The following LRMDA variants were observed in gnomAD, a reference collection of about 807,000 sequenced individuals.
The protein encoded by LRMDA is leucine-rich melanocyte differentiation-associated protein.
In LRMDA, 18 loss-of-function variants were observed where a neutral mutation model predicts 29.8. The ratio of observed to expected loss-of-function variants is 0.60; its 90% CI spans 0.42 to 0.90. The LOEUF is 0.90. Ranked by LOEUF, LRMDA falls within the 40% of genes least tolerant of loss-of-function variation. The probability of loss-of-function intolerance (pLI) is 0.00; values close to 1 mark genes in which losing one functional copy is unlikely to be tolerated. For synonymous variants in LRMDA, 125 were observed against 109.4 expected (o/e 1.14, Z -0.89); for missense variants, 273 against 273.9 (o/e 1.00, Z 0.02).
intron 2 of LRMDA, among the ~76,000 whole-genome samples, chr10:75,791,633 A>C (rs560705583): frequency 6.6e-6 from 1 of 152,188 alleles, no homozygotes; most frequent in Non-Finnish European, 1.5e-5. Flanking sequence ...ACATTTCAGA[A>C]TGATTGGTTA....
chr10:75,937,868 A>C (rs570016026), intron 2 of LRMDA, among the ~76,000 whole-genome samples: 3 of 152,364 alleles, frequency 2.0e-5, no homozygotes, highest in African/African-American at 7.2e-5. Context: ...CTACCAACTT[A>C]ATGACATAAT....
intron 5 of LRMDA, among the ~76,000 whole-genome samples, chr10:76,188,638 G>A (rs1017400206): frequency 3.2e-4 from 5 of 15,796 alleles, no homozygotes; most frequent in African/African-American, 6.0e-4. Context: ...GATGGAGGGG[G>A]TTTAGCACTC....
intron 2 of LRMDA, among the ~76,000 whole-genome samples, chr10:75,826,357 C>T (rs1187678829): frequency 6.6e-6 from 1 of 152,102 alleles, no homozygotes; most frequent in Non-Finnish European, 1.5e-5. Flanking sequence ...TTGCCTTCTA[C>T]CTTTCTGCTT....
chr10:75,585,232 G>C (rs1403606360), intron 2 of LRMDA, among the ~76,000 whole-genome samples: 1 of 152,196 alleles, frequency 6.6e-6, no homozygotes, highest in Non-Finnish European at 1.5e-5. Flanking sequence ...TTAAAACTTT[G>C]TGTAAATGGA....
intron 5 of LRMDA, among the ~76,000 whole-genome samples, chr10:76,060,240 C>T (rs547087487): frequency 1.3e-5 from 2 of 152,238 alleles, no homozygotes; most frequent in South Asian, 2.1e-4. Context: ...CACGTGTATA[C>T]CTGTGTGCAG....
At position 75,846,728 on chromosome 10, in the gene LRMDA, C is replaced by A. The variant is rs144255405; in HGVS notation, c.132-189280C>A. ...GAAATGATACCAAAAACAAACCCCC[C>A]ACCACCAACAAAAACCAAAGCAGAA... On this transcript the variant is annotated intron_variant, in intron 2 of 6. Coordinates refer to ENST00000611255, the MANE Select transcript of LRMDA (RefSeq NM_001305581.2). Among the ~76,000 whole-genome samples, 504 of 152,066 alleles carry A rather than the reference C, an allele frequency of 3.3e-3. 1 individual carries two copies. Among genetic ancestry groups the A allele is most frequent in the Middle Eastern group, 6.8e-3 (2 of 294 alleles).
At chr10:76,049,024 C>A (rs946810294) in intron 4 of LRMDA, among the ~76,000 whole-genome samples, 4 of 152,130 alleles carry the variant, frequency 2.6e-5, no homozygotes, top group Non-Finnish European at 2.9e-5. Flanking sequence ...ATGCCCACTG[C>A]CCATTTGGAA....
At chr10:75,973,069 G>GCAA (rs1385351805) in intron 2 of LRMDA, among the ~76,000 whole-genome samples, 2 of 149,710 alleles carry the variant, frequency 1.3e-5, no homozygotes, top group East Asian at 4.0e-4. Flanking sequence ...AGCAGCAGCA[G>GCAA]CAGCTACTCC....
Position 76,508,002 on chromosome 10 carries a change from C to T in LRMDA, c.602-49207C>T, listed in dbSNP as rs183556977. Among the ~76,000 whole-genome samples, 128 of 152,166 alleles carry T rather than the reference C, an allele frequency of 8.4e-4. 2 individuals are homozygous for T. The East Asian group carries it at 0.022, about 26-fold the overall frequency. On this transcript the variant is annotated intron_variant, in intron 6 of 6. Transcript: ENST00000611255. ...AGGAGAATGACATTTTTGAAGAATA[C>T]TAGCCAATTATTTTATGCAATATCC...
intron 2 of LRMDA, among the ~76,000 whole-genome samples, chr10:75,840,489 C>G (rs1184489473): frequency 6.6e-6 from 1 of 152,206 alleles, no homozygotes; most frequent in African/African-American, 2.4e-5. Context: ...TCCTCATGGT[C>G]TGTTTGCCTA....
chr10:76,473,351 A>G (rs1589203583), intron 6 of LRMDA, among the ~76,000 whole-genome samples: 2 of 151,556 alleles, frequency 1.3e-5, no homozygotes, highest in African/African-American at 2.4e-5. Flanking sequence ...AAACTAGGAA[A>G]AGAAAGCTTC....
At chr10:76,323,111 C>A (rs1840791614) in intron 5 of LRMDA, among the ~76,000 whole-genome samples, 1 of 152,026 alleles carries the variant, frequency 6.6e-6, no homozygotes, top group African/African-American at 2.4e-5. Context: ...AATTTAAACA[C>A]CATATATTTG....
At chr10:76,273,241 G>A (rs1840089700) in intron 5 of LRMDA, among the ~76,000 whole-genome samples, 1 of 152,100 alleles carries the variant, frequency 6.6e-6, no homozygotes, top group African/African-American at 2.4e-5. Flanking sequence ...GAAAGCTGTA[G>A]TGTTTTGGGC....
intron 2 of LRMDA, among the ~76,000 whole-genome samples, chr10:75,822,321 A>C (rs1844175825): frequency 1.3e-5 from 2 of 152,202 alleles, no homozygotes; most frequent in Admixed American, 1.3e-4. Context: ...TAGATGACAC[A>C]AACAAATAGA....
intron 2 of LRMDA, among the ~76,000 whole-genome samples, chr10:75,713,780 C>A (rs1488411426): frequency 6.6e-6 from 1 of 152,012 alleles, no homozygotes; most frequent in African/African-American, 2.4e-5. Flanking sequence ...CTTCCTTAAT[C>A]CACTTTCCAC....
intron 6 of LRMDA, among the ~76,000 whole-genome samples, chr10:76,549,171 T>C (rs1229041295): frequency 2.0e-5 from 3 of 152,182 alleles, no homozygotes; most frequent in African/African-American, 4.8e-5. Flanking sequence ...GTATGTTTTC[T>C]TGAGGCTCTG....
intron 2 of LRMDA, among the ~76,000 whole-genome samples, chr10:75,933,558 C>T (rs763442763): frequency 1.3e-5 from 2 of 151,992 alleles, no homozygotes; most frequent in African/African-American, 4.8e-5. Flanking sequence ...AATGTATGTC[C>T]CTGCAAGATA....
intron 2 of LRMDA, among the ~76,000 whole-genome samples, chr10:76,028,813 A>G (rs982500432): frequency 7.4e-5 from 11 of 149,236 alleles, no homozygotes; most frequent in African/African-American, 2.5e-4. Context: ...AAGCTTATTC[A>G]AAGCCTTTTT....
intron 2 of LRMDA, among the ~76,000 whole-genome samples, chr10:75,826,796 TTTA>T (rs1479196663): frequency 6.6e-6 from 1 of 152,182 alleles, no homozygotes; most frequent in African/African-American, 2.4e-5. Flanking sequence ...TCTCAAGAAT[TTTA>T]TTCTGATGTT....
Sources: gnomAD v4.1 joint callset for allele counts (sites outside exome capture counted in the v4.1 genomes callset) on GRCh38, gnomAD v4.1.1 for gene constraint, MANE v1.5 for transcripts, NCBI Gene and HGNC (gene_info 2026-07-23, HGNC 2026-07-21) for gene names.